The following CECR2 variants were observed in gnomAD, a reference collection of about 807,000 sequenced individuals.
CECR2 encodes the protein CECR2 histone acetyl-lysine reader.
Under a neutral mutation model 154.5 loss-of-function variants are expected in CECR2, and 30 were observed. The observed-to-expected ratio is 0.19, with a 90% CI of 0.15 to 0.26. CECR2 has a LOEUF of 0.26. CECR2 is among the 10% of genes least tolerant of loss of function. The probability of loss-of-function intolerance (pLI) is 1.00; values close to 1 mark genes in which losing one functional copy is unlikely to be tolerated. For missense variants in CECR2, 1,743 were observed against 1,829.3 expected (o/e 0.95, Z 0.86); for synonymous variants, 725 against 683.7 (o/e 1.06, Z -0.94).
chr22:17,432,746 C>T (rs1256542875), intron 1 of CECR2, among the ~76,000 whole-genome samples: 1 of 152,164 alleles, frequency 6.6e-6, no homozygotes, highest in Non-Finnish European at 1.5e-5. Flanking sequence ...AGCAACCCTC[C>T]TACCTCAGCC....
At chr22:17,405,888 A>G (rs1443169705) in intron 1 of CECR2, among the ~76,000 whole-genome samples, 2 of 152,216 alleles carry the variant, frequency 1.3e-5, no homozygotes. Flanking sequence ...AGAGCCAACC[A>G]TAAAATGTAG....
chr22:17,527,060 C>T (rs2056277969), intron 9 of CECR2, among the ~76,000 whole-genome samples: 4 of 152,066 alleles, frequency 2.6e-5, no homozygotes, highest in African/African-American at 4.8e-5. Flanking sequence ...GGATGAATAA[C>T]CAGAATGTAG....
intron 1 of CECR2, among the ~76,000 whole-genome samples, chr22:17,447,838 G>A (rs1316653384): frequency 6.6e-6 from 1 of 151,794 alleles, no homozygotes; most frequent in Non-Finnish European, 1.5e-5. Context: ...AAAATGTAAA[G>A]ATTAGTTCTC....
intron 1 of CECR2, among the ~76,000 whole-genome samples, chr22:17,382,495 G>A (rs2063209894): frequency 6.6e-6 from 1 of 152,016 alleles, no homozygotes; most frequent in Non-Finnish European, 1.5e-5. Flanking sequence ...AGTAAAGTGA[G>A]TCACATGAAA....
chr22:17,368,931 C>T (rs906746962), upstream of CECR2, among the ~76,000 whole-genome samples: 2 of 152,174 alleles, frequency 1.3e-5, no homozygotes, highest in African/African-American at 4.8e-5. Context: ...CACTTCAGAG[C>T]TCCTTGGGCG....
At chr22:17,487,030 A>G (rs2055434064) in intron 2 of CECR2, among the ~76,000 whole-genome samples, 1 of 152,114 alleles carries the variant, frequency 6.6e-6, no homozygotes, top group Non-Finnish European at 1.5e-5. Context: ...GGCATTGCTC[A>G]CTTTCTGTTT....
intron 6 of CECR2, among the ~76,000 whole-genome samples, chr22:17,504,084 A>G (rs971162101): frequency 1.3e-5 from 2 of 151,006 alleles, no homozygotes; most frequent in Admixed American, 1.3e-4. Flanking sequence ...ATAAAATTTA[A>G]AAGTAGGCCA....
intron 7 of CECR2, among the ~76,000 whole-genome samples, chr22:17,506,837 G>A (rs921265291): frequency 2.0e-5 from 3 of 152,172 alleles, no homozygotes; most frequent in Admixed American, 6.5e-5. Context: ...TATATTTTTA[G>A]TAGAGATGGG....
chr22:17,398,564 C>T (rs757923801), intron 1 of CECR2, among the ~76,000 whole-genome samples: 4 of 152,156 alleles, frequency 2.6e-5, no homozygotes, highest in South Asian at 2.1e-4. Context: ...TGGAGCCAGA[C>T]GGGGTCTGTT....
intron 2 of CECR2, among the ~76,000 whole-genome samples, chr22:17,481,282 G>T (rs896490748): frequency 1.7e-4 from 25 of 144,890 alleles, no homozygotes; most frequent in African/African-American, 6.2e-4. Flanking sequence ...GGTGGAGGTT[G>T]CAGTGAGCCA....
intron 18 of CECR2, 128 bp downstream of exon 18, chr22:17,552,270 G>A (rs1264752892): frequency 2.1e-5 from 16 of 772,014 alleles, no homozygotes; most frequent in Admixed American, 5.2e-5. Context: ...TGCCTGTATC[G>A]TGCTTCCTTG....
chr22:17,549,429 A>C lies in CECR2; in HGVS notation c.4142A>C (p.Asn1381Thr), dbSNP rs1601210127. Residue 1381 changes from asparagine to threonine, a missense_variant, in exon 17 of 19, where the codon AAC (asparagine) becomes ACC (threonine). Transcript: ENST00000262608. ...CACCACCCAGGGGCCACCCAGCCCA[A>C]CGGCCTCTCTCAGGAGGGTCCCATC... ...PPHHPGATQPNGLSQEGPIYR... is the reference protein window; with the variant it reads ...PPHHPGATQPTGLSQEGPIYR... The C allele has an allele frequency of 6.2e-7, 1 of 1,613,254 alleles. No homozygotes were observed.
intron 1 of CECR2, among the ~76,000 whole-genome samples, chr22:17,442,458 C>T (rs2054599105): frequency 6.6e-6 from 1 of 152,150 alleles, no homozygotes; most frequent in Non-Finnish European, 1.5e-5. Flanking sequence ...ATCTTGTAGT[C>T]CTAGCTACTA....
chr22:17,418,979 G>A (rs1355575223), intron 1 of CECR2: 5 of 194,664 alleles, frequency 2.6e-5, no homozygotes, highest in Non-Finnish European at 4.4e-5. Flanking sequence ...GCCCCGCCTC[G>A]CCTCAGGGGA....
intron 1 of CECR2, among the ~76,000 whole-genome samples, chr22:17,432,000 C>T (rs2054431875): frequency 6.7e-6 from 1 of 149,904 alleles, no homozygotes; most frequent in Admixed American, 6.6e-5. Context: ...ATTTTGCCCA[C>T]TCTTGACATT....
At chr22:17,413,855 T>C (rs1397753426) in intron 1 of CECR2, among the ~76,000 whole-genome samples, 1 of 149,242 alleles carries the variant, frequency 6.7e-6, no homozygotes, top group Non-Finnish European at 1.5e-5. Context: ...TTTTTTTTTT[T>C]TTTAGTAGAG....
In CECR2 at chr22:17,556,004, T is replaced by C. The variant is rs1458382703; in HGVS notation, c.*3164T>C. The C allele has an allele frequency of 2.0e-5, 3 of 152,204 alleles. No homozygotes were observed. The highest frequency in any genetic ancestry group is 1.3e-4 in the Admixed American group (2 of 15,276). 9.4% of individuals were successfully genotyped at this position (152,204 alleles called of 1,614,324 possible). Reference sequence around the variant, plus strand: ...TTCCCCTCAGAATTAAAAAATAGTTTTTAATTCAGCTACTTTTTCCCCTCA... The same window carrying C: ...TTCCCCTCAGAATTAAAAAATAGTTCTTAATTCAGCTACTTTTTCCCCTCA... On this transcript the variant is annotated 3_prime_UTR_variant, in exon 19 of 19. Transcript: ENST00000262608.
rs2056674211 is a variant in CECR2 at position 17,549,563 on chromosome 22, G to A, written c.4276G>A (p.Gly1426Arg). ...TTTCCAGGAAATGTACAGACCATCA[G>A]GGTAAGATTGCATTCAGGCTTTTCC... ...GPFQEMYRPS[G>R]MQMHPVQSQA... The change falls in exon 17 of 19, where the codon GGA becomes AGA. Residue 1426 changes from glycine (G) to arginine (R), a missense_variant and splice_region_variant. Around this residue, in one of 4 missense-constraint regions of CECR2, gnomAD observed 1,250 missense variants for 1,192.1 expected, o/e 1.05. Transcript: ENST00000262608. The A allele has an allele frequency of 1.3e-6, 2 of 1,570,582 alleles. No homozygotes were observed. Among genetic ancestry groups the A allele is most frequent in the South Asian group, 1.2e-5 (1 of 85,952 alleles).
At chr22:17,486,415 A>G (rs1455670988) in intron 2 of CECR2, among the ~76,000 whole-genome samples, 1 of 152,214 alleles carries the variant, frequency 6.6e-6, no homozygotes, top group Non-Finnish European at 1.5e-5. Context: ...GGCCCCCGTG[A>G]TGCTGTGGAA....
Sources: gnomAD v4.1 joint callset for allele counts (sites outside exome capture counted in the v4.1 genomes callset) on GRCh38, gnomAD v4.1.1 for gene constraint, gnomAD v4.1.1 regional missense constraint, MANE v1.5 for transcripts, NCBI Gene and HGNC (gene_info 2026-07-23, HGNC 2026-07-21) for gene names.